The following ENTREP2 variants were observed in gnomAD, a reference collection of about 807,000 sequenced individuals.
ENTREP2 encodes protein ENTREP2.
chr15:29,213,748 G>A, the ENTREP2 span, among the ~76,000 whole-genome samples: 1 of 152,232 alleles, frequency 6.6e-6, no homozygotes, highest in Non-Finnish European at 1.5e-5. Context: ...CCATCAGAGT[G>A]AACAGGCAAC....
chr15:29,223,747 C>G, the ENTREP2 span, among the ~76,000 whole-genome samples: 1 of 151,778 alleles, frequency 6.6e-6, no homozygotes. Flanking sequence ...GCCAGAGAGG[C>G]TGGTTCTGGA....
the ENTREP2 span, chr15:29,234,784 T>G: frequency 1.3e-6 from 2 of 1,488,156 alleles, no homozygotes; most frequent in Non-Finnish European, 1.9e-6. Context: ...AAAATATTAC[T>G]CCATCTCCAG....
At chr15:29,287,320 T>C in the ENTREP2 span, among the ~76,000 whole-genome samples, 7 of 150,582 alleles carry the variant, frequency 4.6e-5, no homozygotes, top group African/African-American at 1.7e-4. Flanking sequence ...GTGCCTGCAT[T>C]CGGTTACAAT....
chr15:29,133,137 C>T, the ENTREP2 span, among the ~76,000 whole-genome samples: 8 of 152,264 alleles, frequency 5.3e-5, no homozygotes, highest in South Asian at 4.1e-4. Flanking sequence ...GCTTCCCTCA[C>T]GGAGGGCCCT....
the ENTREP2 span, among the ~76,000 whole-genome samples, chr15:29,176,464 G>T: frequency 1.3e-5 from 2 of 152,188 alleles, no homozygotes; most frequent in African/African-American, 4.8e-5. Flanking sequence ...GTCAGTAGTT[G>T]GAAGTGGGAA....
the ENTREP2 span, among the ~76,000 whole-genome samples, chr15:29,513,092 T>G: frequency 6.6e-6 from 1 of 152,226 alleles, no homozygotes; most frequent in African/African-American, 2.4e-5. Flanking sequence ...TCTTTTTGTG[T>G]GACGTCTTAG....
the ENTREP2 span, among the ~76,000 whole-genome samples, chr15:29,171,922 A>G: frequency 6.6e-6 from 1 of 152,210 alleles, no homozygotes; most frequent in Non-Finnish European, 1.5e-5. Flanking sequence ...CTAGAAACCA[A>G]TACTGACAGA....
At chr15:29,675,295 C>T in the ENTREP2 span, 1 of 152,334 alleles carries the variant, frequency 6.6e-6, no homozygotes, top group Admixed American at 6.5e-5. Flanking sequence ...TGCCGGGGGT[C>T]CTGGGACCGC....
chr15:29,627,676 C>G, the ENTREP2 span, among the ~76,000 whole-genome samples: 1 of 152,026 alleles, frequency 6.6e-6, no homozygotes, highest in African/African-American at 2.4e-5. Flanking sequence ...CTGGTAACCT[C>G]TATTCTACTG....
At chr15:29,223,936 CGCGCCCAGCTCTGCCTGTGAACACAGATA>C in the ENTREP2 span, among the ~76,000 whole-genome samples, 6 of 152,282 alleles carry the variant, frequency 3.9e-5, no homozygotes, top group African/African-American at 1.4e-4. Context: ...GCCCCCAGCT[CGCGCCCAGCTCTGCCTGTGAACACAGATA>C]GCTCCACCTC....
At chr15:29,628,549 C>T in the ENTREP2 span, among the ~76,000 whole-genome samples, 1 of 152,108 alleles carries the variant, frequency 6.6e-6, no homozygotes, top group Non-Finnish European at 1.5e-5. Context: ...TGGTGATGTT[C>T]AGTTCATCTG....
At chr15:29,135,355 G>T in the ENTREP2 span, among the ~76,000 whole-genome samples, 7 of 152,062 alleles carry the variant, frequency 4.6e-5, no homozygotes, top group African/African-American at 1.7e-4. This position sits in a 1 kb window ranked among gnomAD's most constrained non-coding sequence, Gnocchi z 7.4. Flanking sequence ...TTCTCTCCCT[G>T]TATTTCAGGG....
the ENTREP2 span, among the ~76,000 whole-genome samples, chr15:29,460,957 C>G: frequency 1.2e-3 from 189 of 152,256 alleles, 1 homozygote; most frequent in South Asian, 0.015. Context: ...TGTTTTTAGT[C>G]TTCATGTAAC....
chr15:29,493,125 CTTTTTTTTTTT>C, the ENTREP2 span, among the ~76,000 whole-genome samples: 2 of 84,774 alleles, frequency 2.4e-5, no homozygotes, highest in East Asian at 7.3e-4. Flanking sequence ...CCTGACAACC[CTTTTTTTTTTT>C]TTTTTTTTTT....
At chr15:29,616,581 T>C in the ENTREP2 span, among the ~76,000 whole-genome samples, 1 of 152,234 alleles carries the variant, frequency 6.6e-6, no homozygotes, top group Non-Finnish European at 1.5e-5. Context: ...GATGATCTGA[T>C]TGGTTGAATT....
At chr15:29,559,535 G>T in the ENTREP2 span, among the ~76,000 whole-genome samples, 2 of 152,066 alleles carry the variant, frequency 1.3e-5, no homozygotes, top group East Asian at 3.9e-4. Flanking sequence ...AGTCTCACTG[G>T]GCTAAATTCA....
At chr15:29,674,394 C>T in the ENTREP2 span, among the ~76,000 whole-genome samples, 3 of 152,086 alleles carry the variant, frequency 2.0e-5, no homozygotes, top group African/African-American at 7.2e-5. Flanking sequence ...CTCAGCCTCC[C>T]GAGTAGCTGG....
chr15:29,469,511 C>T, the ENTREP2 span, among the ~76,000 whole-genome samples: 39 of 152,134 alleles, frequency 2.6e-4, no homozygotes, highest in African/African-American at 8.9e-4. Flanking sequence ...CATGACTGCA[C>T]TTCTATGCAG....
chr15:29,507,997 G>A, the ENTREP2 span, among the ~76,000 whole-genome samples: 80 of 151,812 alleles, frequency 5.3e-4, 1 homozygote, highest in South Asian at 0.013. Flanking sequence ...AAAATAGGCC[G>A]CTAGCCAGAC....
Sources: allele counts gnomAD v4.1 joint callset (sites outside exome capture counted in the v4.1 genomes callset), GRCh38; gene constraint gnomAD v4.1.1; non-coding constraint Gnocchi (gnomAD v3.1); transcripts MANE v1.5; gene names NCBI Gene and HGNC (gene_info 2026-07-23, HGNC 2026-07-21).